Variants in NRL observed in about 807,000 individuals in gnomAD.
NRL encodes neural retina-specific leucine zipper protein.
A neutral mutation model predicts 12.5 loss-of-function variants in NRL; 16 were observed. That is an observed-to-expected ratio of 1.28 (90% CI 0.87 to 1.95). The LOEUF is 1.95. NRL is among the 30% of genes most tolerant of loss of function. NRL has a pLI of 0.00. For synonymous variants in NRL, 142 were observed against 150.9 expected, an observed-to-expected ratio of 0.94 and a Z score of 0.43; for missense variants, 314 against 325.8, an observed-to-expected ratio of 0.96 and a Z score of 0.28.
rs370993187 is a variant in NRL at position 24,099,030 on chromosome 14, A to G, written c.-28+15692T>C. The G allele has an allele frequency of 3.3e-5, 53 of 1,585,856 alleles. No individual in the cohort carries two copies. The African/African-American group carries it at 6.0e-4, about 18-fold the overall frequency. ...TCCTGATGCTGCTGCCAGCAGCCCC[A>G]TGACCCCATTGTCCCCAGGGGAGCC... is the stretch of plus-strand genomic sequence containing the variant. On this transcript the variant is annotated intron_variant, in intron 1 of 2. Transcript: ENST00000561028.
intron 1 of NRL, chr14:24,103,707 G>C: frequency 6.2e-7 from 1 of 1,614,224 alleles, no homozygotes; most frequent in Non-Finnish European, 8.5e-7. Context: ...TCGGGTGCTA[G>C]ACTGGATCTG....
At position 24,100,184 on chromosome 14, in the gene NRL, C is replaced by T. The variant is rs773753888; in HGVS notation, c.-28+14538G>A. 5.6e-6 allele frequency: 9 copies of T among 1,614,072 alleles called. No individual in the cohort carries two copies. The African/African-American group carries it at 8.0e-5, about 14-fold the overall frequency. On this transcript the variant is annotated intron_variant, in intron 1 of 2. Coordinates refer to ENST00000561028, the MANE Select transcript of NRL (RefSeq NM_001354768.3). ...CCTCTTCCACCTGGTGTTACTGTGACCTCCTGGCTGGGCAAACCCTGGAAA... is the reference window on the plus strand; with the variant it reads ...CCTCTTCCACCTGGTGTTACTGTGATCTCCTGGCTGGGCAAACCCTGGAAA...
At chr14:24,087,376 A>C (rs1232177693) in intron 1 of NRL, among the ~76,000 whole-genome samples, 2 of 152,176 alleles carry the variant, frequency 1.3e-5, no homozygotes, top group East Asian at 3.9e-4. Flanking sequence ...AAAGGACAGA[A>C]AGGTAGCAAG....
chr14:24,095,156 G>C (rs1429017274), intron 1 of NRL: 2 of 455,994 alleles, frequency 4.4e-6, no homozygotes, highest in Non-Finnish European at 8.8e-6. Context: ...TTGTCCCAGA[G>C]TCGGAAGTGA....
At chr14:24,104,671 A>C (rs2037303648) in intron 1 of NRL, among the ~76,000 whole-genome samples, 2 of 151,868 alleles carry the variant, frequency 1.3e-5, no homozygotes, top group South Asian at 4.2e-4. Flanking sequence ...AACAAAACAA[A>C]AAAAAAACTG....
rs1348379924 is a variant in NRL, at chr14:24,103,309, T to C, written c.-28+11413A>G. 4.2e-6 allele frequency: 6 copies of C among 1,428,638 alleles called. No individual in the cohort carries two copies. The African/African-American group carries it at 8.4e-5, about 20-fold the overall frequency. The allele number at this position is 1,428,638 out of a possible 1,614,324, so 88.5% of individuals were successfully genotyped here. A position where few individuals can be genotyped will look rare whatever the true frequency, so the allele number is the denominator to read the frequency against. On this transcript the variant is annotated intron_variant, in intron 1 of 2. Transcript: ENST00000561028. ...CTGTGTGTGCACACAGCACGTCCTC[T>C]CTCCCTTCCTGAGCCAGACCTTCCT...
At chr14:24,088,285 C>T (rs1415424354) in intron 1 of NRL, among the ~76,000 whole-genome samples, 3 of 152,254 alleles carry the variant, frequency 2.0e-5, no homozygotes, top group South Asian at 2.1e-4. Flanking sequence ...TGCCCTCCCA[C>T]GGCTGGGCCA....
At position 24,085,129 on chromosome 14, in the gene NRL, G is replaced by T. The variant is rs2036433574; in HGVS notation, c.-27-2254C>A. Among the ~76,000 whole-genome samples, 1 of 152,188 alleles carries T rather than the reference G, an allele frequency of 6.6e-6. No homozygotes were observed. Among genetic ancestry groups the T allele is most frequent in the African/African-American group, 2.4e-5 (1 of 41,430 alleles). The stretch of plus-strand genomic sequence containing the variant: ...CCTCTGCCCCATCTTCATGCTGACT[G>T]GTCTTATGCCCCTCATAGCCGTCGC... On this transcript the variant is annotated intron_variant, in intron 1 of 2. Transcript: ENST00000561028. This position sits in a 1 kb window ranked among gnomAD's most constrained non-coding sequence, Gnocchi z 4.1.
intron 1 of NRL, chr14:24,099,363 G>A (rs1304651966): frequency 3.7e-6 from 4 of 1,077,234 alleles, no homozygotes; most frequent in Non-Finnish European, 5.2e-6. Flanking sequence ...CTACTTGAAG[G>A]CCCAAAGCTT....
intron 1 of NRL, among the ~76,000 whole-genome samples, chr14:24,108,366 C>G (rs771821719): frequency 1.6e-4 from 25 of 152,150 alleles, no homozygotes; most frequent in Non-Finnish European, 3.4e-4. Context: ...GAAACATGGT[C>G]TTGCTTTGTT....
intron 1 of NRL, among the ~76,000 whole-genome samples, chr14:24,113,844 G>C (rs1361080870): frequency 2.0e-5 from 3 of 152,242 alleles, no homozygotes; most frequent in African/African-American, 7.2e-5. Flanking sequence ...CCTCAGGAGC[G>C]GGCGGAGGGA....
chr14:24,082,760 C>T lies in NRL; in HGVS notation c.89G>A (p.Gly30Asp), dbSNP rs1268550629. 1 of 1,614,076 alleles carries T rather than the reference C, an allele frequency of 6.2e-7. No homozygotes were observed. Among genetic ancestry groups the T allele is most frequent in the Non-Finnish European group, 8.5e-7 (1 of 1,180,030 alleles). The change falls in exon 2 of 3, where the codon GGC (glycine) becomes GAC (aspartate). Residue 30 changes from glycine to aspartate, a missense_variant. Physicochemically the swap from Gly to Asp is moderately conservative, Grantham distance 94. Transcript: ENST00000561028. The part of the protein sequence containing the change: ...KFEVKREPSE[G>D]RPGPPTASLG... ...TGAGGCTGTAGGGGGGCCAGGTCGG[C>T]CCTCAGAGGGTTCCCGCTTTACCTC...
chr14:24,089,465 T>C (rs537803368), intron 1 of NRL, among the ~76,000 whole-genome samples: 14 of 152,024 alleles, frequency 9.2e-5, no homozygotes, highest in African/African-American at 3.1e-4. Context: ...AGGCTGGTCT[T>C]AAACTCCTGG....
intron 1 of NRL, chr14:24,099,283 G>C (rs756767495): frequency 1.1e-5 from 17 of 1,535,236 alleles, no homozygotes; most frequent in Middle Eastern, 2.0e-4. Context: ...ACAGGGCAGG[G>C]GTGGGGCCTG....
chr14:24,086,034 T>TTGGCCAGG (rs2036457184), intron 1 of NRL, among the ~76,000 whole-genome samples: 1 of 152,170 alleles, frequency 6.6e-6, no homozygotes, highest in African/African-American at 2.4e-5. Context: ...CTGGCCAACA[T>TTGGCCAGG]GGTGAAACCC....
intron 1 of NRL, among the ~76,000 whole-genome samples, chr14:24,105,682 G>T (rs2037326805): frequency 6.6e-6 from 1 of 152,226 alleles, no homozygotes; most frequent in Non-Finnish European, 1.5e-5. Context: ...ACTTTGGGAG[G>T]CCAAGGAGGG....
chr14:24,098,361 A>G (rs1297152828), intron 1 of NRL: 2 of 1,612,868 alleles, frequency 1.2e-6, no homozygotes, highest in South Asian at 2.2e-5. Flanking sequence ...CGAGCTGTGG[A>G]TGAGAGGTTT....
At position 24,085,342 on chromosome 14, in the gene NRL, T is replaced by C. The variant is rs2036439448; in HGVS notation, c.-27-2467A>G. ...ATCACCACCAGTCCGTCGGAGACAC[T>C]TTTGTAACTGGCCTCATATGCCCTC... On this transcript the variant is annotated intron_variant, in intron 1 of 2. Coordinates refer to ENST00000561028, the MANE Select transcript of NRL (RefSeq NM_001354768.3). This position sits in a 1 kb window ranked among gnomAD's most constrained non-coding sequence, Gnocchi z 4.1. Among the ~76,000 whole-genome samples the C allele has an allele frequency of 6.6e-6, 1 of 152,218 alleles. No homozygotes were observed. Among genetic ancestry groups the C allele is most frequent in the Non-Finnish European group, 1.5e-5 (1 of 68,036 alleles).
chr14:24,086,525 G>A (rs2036469737), intron 1 of NRL, among the ~76,000 whole-genome samples: 1 of 152,198 alleles, frequency 6.6e-6, no homozygotes, highest in South Asian at 2.1e-4. Context: ...ACCACAAAAT[G>A]GGAATGAGGA....
Sources: allele counts gnomAD v4.1 joint callset (sites outside exome capture counted in the v4.1 genomes callset), GRCh38; gene constraint gnomAD v4.1.1; non-coding constraint Gnocchi (gnomAD v3.1); transcripts MANE v1.5; gene names NCBI Gene and HGNC (gene_info 2026-07-23, HGNC 2026-07-21).